ZNF839: variants seen among roughly 807,000 people sequenced by gnomAD.
The protein encoded by ZNF839 is renal carcinoma antigen NY-REN-50.
A neutral mutation model predicts 56.4 loss-of-function variants in ZNF839; 38 were observed. The ratio of observed to expected loss-of-function variants is 0.67; its 90% CI spans 0.52 to 0.88. The LOEUF is 0.88. ZNF839 is among the 40% of genes least tolerant of loss of function. The probability of loss-of-function intolerance (pLI) is 0.00; values close to 1 mark genes in which losing one functional copy is unlikely to be tolerated. For missense variants in ZNF839, 1,091 were observed against 1,177.6 expected (o/e 0.93, Z 1.08); for synonymous variants, 486 against 493.5 (o/e 0.98, Z 0.20).
At chr14:102,317,845 T>A (rs892391941), upstream of ZNF839, among the ~76,000 whole-genome samples, 1 of 152,212 alleles carries the variant, frequency 6.6e-6, no homozygotes, top group African/African-American at 2.4e-5. Context: ...TTCTACATTT[T>A]GAAGCCAGAG....
intron 3 of ZNF839, among the ~76,000 whole-genome samples, chr14:102,333,677 T>C (rs2073891411): frequency 6.6e-6 from 1 of 152,102 alleles, no homozygotes; most frequent in Non-Finnish European, 1.5e-5. Context: ...GTCCTCCTGG[T>C]TTCCCAGGCC....
intron 5 of ZNF839, among the ~76,000 whole-genome samples, 197 bp downstream of exon 5, chr14:102,336,035 T>C (rs2074000043): frequency 6.6e-6 from 1 of 152,110 alleles, no homozygotes; most frequent in Admixed American, 6.5e-5. Flanking sequence ...AAAAATTAGC[T>C]GGGCGTGGTG....
chr14:102,338,528 ACT>A (rs1440121140), intron 5 of ZNF839, among the ~76,000 whole-genome samples: 1 of 130,154 alleles, frequency 7.7e-6, no homozygotes, highest in Non-Finnish European at 1.5e-5. Context: ...ACAGAGCCAG[ACT>A]CTGTCTCAGA....
chr14:102,331,568 G>C, intron 2 of ZNF839, 54 bp from the exon 3 acceptor site: 1 of 1,487,424 alleles, frequency 6.7e-7, no homozygotes. Flanking sequence ...GTTTTTATGG[G>C]GTATATAAAG....
At position 102,328,188 on chromosome 14, in the gene ZNF839, C is replaced by G. The variant is rs183796983; in HGVS notation, c.1191+1301C>G. Among the ~76,000 whole-genome samples the G allele has an allele frequency of 4.2e-3, 632 of 150,892 alleles. 3 individuals carry two copies. Among genetic ancestry groups the G allele is most frequent in the Non-Finnish European group, 5.5e-3 (374 of 67,746 alleles). On this transcript the variant is annotated intron_variant, in intron 2 of 7. Transcript: ENST00000442396. The stretch of plus-strand genomic sequence containing the variant: ...TGGCCAACATGGTGAAACCCCATCT[C>G]TATTAAAAATACAAAATAAGCTGGG...
rs779062879 is a variant in ZNF839 at position 102,326,261 on chromosome 14, C to T, written c.565C>T (p.Pro189Ser). The T allele has an allele frequency of 1.9e-6, 3 of 1,613,776 alleles. No individual in the cohort carries two copies. Among genetic ancestry groups the T allele is most frequent in the South Asian group, 2.2e-5 (2 of 91,046 alleles). ...QRPLPALQVV[P>S]AKRVPAPKAP... is the part of the protein sequence containing the mutation. ...ACCACTGCCAGCCCTCCAGGTGGTCCCTGCAAAGAGAGTCCCAGCCCCCAA... is the reference window on the plus strand; with the variant it reads ...ACCACTGCCAGCCCTCCAGGTGGTCTCTGCAAAGAGAGTCCCAGCCCCCAA... The change falls in exon 2 of 8, where the codon CCT becomes TCT. Residue 189 changes from proline (P) to serine (S), a missense_variant. This residue lies in a region of ZNF839 where 614 missense variants were observed against 629.2 expected (regional missense o/e 0.98). Transcript: ENST00000442396. This position sits in a 1 kb window ranked among gnomAD's most constrained non-coding sequence, Gnocchi z 4.3.
At chr14:102,337,586 G>T (rs1377939002) in intron 5 of ZNF839, 2 of 152,152 alleles carry the variant, frequency 1.3e-5, no homozygotes, top group South Asian at 2.1e-4. Context: ...GCAAGTGTGG[G>T]TATCATCCTG....
chr14:102,335,975 T>A, intron 5 of ZNF839, 137 bp downstream of exon 5: 3 of 986,154 alleles, frequency 3.0e-6, no homozygotes, highest in Non-Finnish European at 4.4e-6. Flanking sequence ...GGTCAGGAGT[T>A]TGAGACCAGC....
intron 1 of ZNF839, among the ~76,000 whole-genome samples, chr14:102,323,744 A>G (rs1288571276): frequency 2.0e-5 from 3 of 152,206 alleles, no homozygotes; most frequent in African/African-American, 7.2e-5. Context: ...GCCTAGGTAC[A>G]TGCCCCTGGA....
At chr14:102,337,384 G>C (rs547073092) in intron 5 of ZNF839, 2 of 152,022 alleles carry the variant, frequency 1.3e-5, no homozygotes, top group African/African-American at 4.8e-5. Context: ...GGCCAGGCTG[G>C]TCTTGAACTC....
chr14:102,341,134 C>CT, intron 7 of ZNF839, 189 bp from the exon 8 acceptor site: 1 of 342,384 alleles, frequency 2.9e-6, no homozygotes, highest in Non-Finnish European at 5.0e-6. Context: ...AATACAAAAT[C>CT]TGTCTTTGTG....
chr14:102,335,285 C>G, intron 4 of ZNF839: 1 of 173,996 alleles, frequency 5.7e-6, no homozygotes, highest in Non-Finnish European at 1.2e-5. Flanking sequence ...AGAACCCACT[C>G]GCCCCAGCTG....
At chr14:102,336,898 T>C (rs1885798009) in intron 5 of ZNF839, 1 of 205,040 alleles carries the variant, frequency 4.9e-6, no homozygotes. Flanking sequence ...CATGCCCAGC[T>C]AATTTTTAAA....
intron 4 of ZNF839, 77 bp from the exon 5 acceptor site, chr14:102,335,612 T>C: frequency 6.9e-7 from 1 of 1,454,788 alleles, no homozygotes; most frequent in African/African-American, 1.4e-5. Flanking sequence ...ACCGAAACTT[T>C]GTTTAGATTT....
chr14:102,328,411 T>A (rs60467899), intron 2 of ZNF839, among the ~76,000 whole-genome samples: 4,005 of 102,100 alleles, frequency 0.039, 191 homozygotes, highest in East Asian at 0.13. Flanking sequence ...TATATATATA[T>A]GTATACACAC....
rs371006557 is a variant in ZNF839, at chr14:102,326,338, G to A, written c.642G>A (p.Pro214=). The change falls in exon 2 of 8, where the codon CCG becomes CCA. Residue 214 remains proline (P), a synonymous_variant. Transcript: ENST00000442396. The surrounding 1 kb of genome is among the most constrained non-coding windows in gnomAD (Gnocchi z 4.3). ...SMLTPLSASD[P]LAVTSLSSSS... The stretch of plus-strand genomic sequence containing the variant: ...TGACCCCTTTGTCTGCCTCTGACCC[G>A]CTGGCAGTAACATCTCTTTCATCCA... The A allele has an allele frequency of 9.8e-5, 158 of 1,609,144 alleles. No individual in the cohort carries two copies. The highest frequency in any genetic ancestry group is 1.6e-4 in the Middle Eastern group (1 of 6,080).
Position 102,322,741 on chromosome 14 carries a change from G to A in ZNF839, c.288+2688G>A, listed in dbSNP as rs145345178. Among the ~76,000 whole-genome samples, 894 of 152,204 alleles carry A rather than the reference G, an allele frequency of 5.9e-3. 2 individuals carry two copies. The highest frequency in any genetic ancestry group is 0.02 in the African/African-American group (846 of 41,530). On this transcript the variant is annotated intron_variant, in intron 1 of 7. Transcript: ENST00000442396. ...CATCATGCCTGGCTAATTTAAAAAT[G>A]TTTTGTAGAGACAGGGTCCCGCTAT...
Position 102,319,745 on chromosome 14 carries a change from CGA to C in ZNF839, c.-19_-18del, listed in dbSNP as rs2073014551. On this transcript the variant is annotated 5_prime_UTR_variant, in exon 1 of 8. Transcript: ENST00000442396. The surrounding 1 kb of genome is among the most constrained non-coding windows in gnomAD (Gnocchi z 4.5). The stretch of plus-strand genomic sequence containing the variant: ...ACGCCGTCGCTCAGCGACCCGGGTT[CGA>C]GTCCCCGCCTCGGCCGCCATGGCGG... 8.1e-7 allele frequency: 1 copy of C among 1,228,138 alleles called. No homozygotes were observed. The highest frequency in any genetic ancestry group is 4.3e-5 in the Admixed American group (1 of 23,528). The allele number at this position is 1,228,138 out of a possible 1,614,324, so 76.1% of individuals were successfully genotyped here.
chr14:102,328,130 G>A (rs566259011), intron 2 of ZNF839, among the ~76,000 whole-genome samples: 12 of 151,580 alleles, frequency 7.9e-5, no homozygotes, highest in African/African-American at 2.7e-4. Flanking sequence ...CGAGGTGGGC[G>A]GATCACCTCA....
Sources: allele counts gnomAD v4.1 joint callset (sites outside exome capture counted in the v4.1 genomes callset), GRCh38; gene constraint gnomAD v4.1.1; regional missense constraint gnomAD v4.1.1; non-coding constraint Gnocchi (gnomAD v3.1); transcripts MANE v1.5; gene names NCBI Gene and HGNC (gene_info 2026-07-23, HGNC 2026-07-21).